The following INF2 variants were observed in gnomAD, a reference collection of about 807,000 sequenced individuals.
INF2 encodes inverted formin-2.
A neutral mutation model predicts 123.5 loss-of-function variants in INF2; 43 were observed. The observed-to-expected ratio is 0.35, with a 90% CI of 0.27 to 0.45. The LOEUF is 0.45. Ranked by LOEUF, INF2 falls within the 20% of genes least tolerant of loss-of-function variation. The probability of loss-of-function intolerance (pLI) is 1.00; values close to 1 mark genes in which losing one functional copy is unlikely to be tolerated. For missense variants in INF2, 1,453 were observed against 1,682.7 expected, an observed-to-expected ratio of 0.86 and a Z score of 2.39; for synonymous variants, 851 against 745.0, an observed-to-expected ratio of 1.14 and a Z score of -2.32.
intron 22 of INF2, chr14:104,717,770 C>T (rs1037590469): frequency 3.3e-5 from 5 of 152,170 alleles, no homozygotes; most frequent in Admixed American, 3.3e-4. Flanking sequence ...TTCTGAACCT[C>T]CACTGCACGA....
At chr14:104,697,887 C>CGGT (rs1889263626) in intron 1 of INF2, among the ~76,000 whole-genome samples, 1 of 151,812 alleles carries the variant, frequency 6.6e-6, no homozygotes, top group African/African-American at 2.4e-5. Context: ...GGTGGACTGC[C>CGGT]GGGGGGGGTG....
Position 104,701,566 on chromosome 14 carries a change from G to A in INF2, c.201G>A (p.Gln67=). 1.2e-6 allele frequency: 2 copies of A among 1,608,536 alleles called. No individual in the cohort carries two copies. The highest frequency in any genetic ancestry group is 8.5e-7 in the Non-Finnish European group (1 of 1,179,114). Residue 67 remains glutamine, a synonymous_variant, in exon 2 of 23, where the codon CAG becomes CAA. Transcript: ENST00000392634. ...GCAGCGACGGCGGCTGGATGGTGCA[G>A]TTCCTGGAGCAGAGCGGCCTGGACC... ...LEGSDGGWMV[Q]FLEQSGLDLL...
chr14:104,708,437 G>A lies in INF2; in HGVS notation c.1737G>A (p.Glu579=), dbSNP rs1211763702. The stretch of plus-strand genomic sequence containing the variant: ...ACTGGCCGTGTCCCCACCCGACAGA[G>A]CACAACTCTATGTGGGCGTCCCTGA... The part of the protein sequence containing the change: ...WQKLPSNVAR[E]HNSMWASLSS... Residue 579 remains glutamate, a splice_region_variant and synonymous_variant, in exon 9 of 23, where the codon GAG becomes GAA. Transcript: ENST00000392634. 1.2e-6 allele frequency: 2 copies of A among 1,611,894 alleles called. No homozygotes were observed. The highest frequency in any genetic ancestry group is 1.7e-5 in the Admixed American group (1 of 60,020).
At chr14:104,717,915 G>C (rs547186044) in intron 22 of INF2, among the ~76,000 whole-genome samples, 1 of 152,112 alleles carries the variant, frequency 6.6e-6, no homozygotes, top group Non-Finnish European at 1.5e-5. Flanking sequence ...AGTTTTGAAC[G>C]TGCAGTAATC....
chr14:104,704,026 A>C (rs1595167177), intron 5 of INF2, 77 bp downstream of exon 5: 1 of 1,598,346 alleles, frequency 6.3e-7, no homozygotes, highest in South Asian at 1.1e-5. Context: ...TTTGGCTCCC[A>C]GCCACCTCAC....
rs77599992 is a variant in INF2 at position 104,692,101 on chromosome 14, C to T, written c.-10+2362C>T. ...CAGTCCCCGAGGGCCAGCCTCAGGC[C>T]GGGTCTGTCCACTCACCATTCACGC... On this transcript the variant is annotated intron_variant, in intron 1 of 22. Coordinates refer to ENST00000392634, the MANE Select transcript of INF2 (RefSeq NM_022489.4). Among the ~76,000 whole-genome samples the T allele has an allele frequency of 9.1e-3, 1,382 of 152,298 alleles. 21 individuals are homozygous for T. Among genetic ancestry groups the T allele is most frequent in the African/African-American group, 0.031 (1,303 of 41,570 alleles).
intron 13 of INF2, chr14:104,710,582 ACCC>A (rs374329442): frequency 5.3e-5 from 26 of 489,198 alleles, no homozygotes; most frequent in East Asian, 1.1e-4. Context: ...ACACGTACAC[ACCC>A]CCCCAACACA....
chr14:104,691,719 G>A (rs954882864), intron 1 of INF2, among the ~76,000 whole-genome samples: 32 of 152,036 alleles, frequency 2.1e-4, no homozygotes, highest in Non-Finnish European at 4.7e-4. Flanking sequence ...GTGGGAAGGA[G>A]AGAGGGCAGG....
rs988599235 is a variant in INF2 at position 104,681,707 on chromosome 14, A to T, written c.-104+125A>T. 23 of 762,060 alleles carry T rather than the reference A, an allele frequency of 3.0e-5. No homozygotes were observed. In the African/African-American group the frequency reaches 4.2e-4, roughly 14 times the overall value. 47.2% of individuals were successfully genotyped at this position (762,060 alleles called of 1,614,324 possible). ...ACAGGCCCCTGAGGTCCCGGAGGGCAGCACGCTGGTGCAGAGCCGGGACAG... is the reference window on the plus strand; with the variant it reads ...ACAGGCCCCTGAGGTCCCGGAGGGCTGCACGCTGGTGCAGAGCCGGGACAG... On this transcript the variant is annotated intron_variant, in intron 1 of 2. Transcript: ENST00000674723.
chr14:104,703,221 G>A lies in INF2; in HGVS notation c.507+1G>A, dbSNP rs780406604. The A allele has an allele frequency of 6.2e-7, 1 of 1,613,242 alleles. No individual in the cohort carries two copies. Among genetic ancestry groups the A allele is most frequent in the Non-Finnish European group, 8.5e-7 (1 of 1,179,876 alleles). On this transcript the variant is annotated splice_donor_variant, in intron 3 of 22. Transcript: ENST00000392634. LOFTEE classifies it high-confidence loss of function. ...CCTGGACGCCCTGGACCACTACAAG[G>A]TGGGCGGCAGGGCCTGGGCCTGGGC...
At chr14:104,713,124 G>T in intron 18 of INF2, 83 bp from the exon 19 acceptor site, 1 of 1,604,204 alleles carries the variant, frequency 6.2e-7, no homozygotes, top group Non-Finnish European at 8.5e-7. Flanking sequence ...GCGCTGCTGC[G>T]GCTCAGGGAG....
intron 1 of INF2, among the ~76,000 whole-genome samples, chr14:104,682,811 G>A (rs562094697): frequency 1.6e-4 from 24 of 152,124 alleles, no homozygotes; most frequent in African/African-American, 4.3e-4. Flanking sequence ...AAATCCTCAC[G>A]TCCCCCCCGG....
Position 104,689,699 on chromosome 14 carries a change from G to A in INF2, c.-50G>A, listed in dbSNP as rs886050379. The A allele has an allele frequency of 1.3e-5, 13 of 984,934 alleles. No individual in the cohort carries two copies. Among genetic ancestry groups the A allele is most frequent in the Non-Finnish European group, 1.4e-5 (12 of 829,790 alleles). 61.0% of individuals were successfully genotyped at this position (984,934 alleles called of 1,614,324 possible). On this transcript the variant is annotated 5_prime_UTR_variant, in exon 1 of 23. Coordinates refer to ENST00000392634, the MANE Select transcript of INF2 (RefSeq NM_022489.4). ...AGCCCCTGACCCGGCCCCGGACGGAGCGCCGGCCGCACCACCGCCCTCTGG... is the reference window on the plus strand; with the variant it reads ...AGCCCCTGACCCGGCCCCGGACGGAACGCCGGCCGCACCACCGCCCTCTGG...
chr14:104,694,179 G>A (rs918387667), intron 1 of INF2, among the ~76,000 whole-genome samples: 5 of 152,352 alleles, frequency 3.3e-5, no homozygotes, highest in African/African-American at 1.2e-4. Flanking sequence ...GGGGCCACAC[G>A]GGCGGTGCTG....
At chr14:104,692,593 G>A (rs1889008817) in intron 1 of INF2, among the ~76,000 whole-genome samples, 1 of 152,216 alleles carries the variant, frequency 6.6e-6, no homozygotes, top group Non-Finnish European at 1.5e-5. Context: ...CTCGGGGGTT[G>A]GTGGGGCAGG....
Position 104,699,580 on chromosome 14 carries a change from G to A in INF2, c.-9-1777G>A. Reference sequence around the variant, plus strand: ...CAGAGTGGGTGGGCAGAGGTGGCCGGAAGGTCTTGCGCATCTGGGTGAGTG... The same window carrying A: ...CAGAGTGGGTGGGCAGAGGTGGCCGAAAGGTCTTGCGCATCTGGGTGAGTG... On this transcript the variant is annotated intron_variant, in intron 1 of 22. Transcript: ENST00000392634. This position sits in a 1 kb window ranked among gnomAD's most constrained non-coding sequence, Gnocchi z 4.7. 4 of 985,234 alleles carry A rather than the reference G, an allele frequency of 4.1e-6. No homozygotes were observed. The highest frequency in any genetic ancestry group is 3.6e-6 in the Non-Finnish European group (3 of 829,870). The allele number at this position is 985,234 out of a possible 1,614,324, so 61.0% of individuals were successfully genotyped here.
chr14:104,706,104 G>A lies in INF2; in HGVS notation c.771G>A (p.Glu257=), dbSNP rs914964640. Residue 257 remains glutamate, a synonymous_variant, in exon 6 of 23, where the codon GAG becomes GAA. Coordinates refer to ENST00000392634, the MANE Select transcript of INF2 (RefSeq NM_022489.4). ...AGGAGGCTAAGGCCGAGGACGAGGA[G>A]GAGCTGCTGCGAGTCTCTGGCGGGG... is the stretch of plus-strand genomic sequence containing the variant. ...AFEEAKAEDE[E]ELLRVSGGVD... is the part of the protein sequence containing the mutation. The A allele has an allele frequency of 5.0e-6, 8 of 1,612,454 alleles. No homozygotes were observed. Among genetic ancestry groups the A allele is most frequent in the East Asian group, 2.2e-5 (1 of 44,876 alleles).
In INF2 at chr14:104,684,370, T is replaced by G; in HGVS notation, c.-104+2788T>G. ...TCTGCCAGCACCCGGCCTCTGCACC[T>G]CAGCTTTCAGCGGATAGGTTTGTGC... is the stretch of plus-strand genomic sequence containing the variant. On this transcript the variant is annotated intron_variant, in intron 1 of 2. Transcript: ENST00000674723. The surrounding 1 kb of genome is among the most constrained non-coding windows in gnomAD (Gnocchi z 5.0). 1 of 305,070 alleles carries G rather than the reference T, an allele frequency of 3.3e-6. No homozygotes were observed. The highest frequency in any genetic ancestry group is 6.5e-6 in the Non-Finnish European group (1 of 154,318). 18.9% of individuals were successfully genotyped at this position (305,070 alleles called of 1,614,324 possible). A position where few individuals can be genotyped will look rare whatever the true frequency, so the allele number is the denominator to read the frequency against.
rs545748916 is a variant in INF2, at chr14:104,684,200, C to G, written c.-104+2618C>G. On this transcript the variant is annotated intron_variant, in intron 1 of 2. Transcript: ENST00000674723. The surrounding 1 kb of genome is among the most constrained non-coding windows in gnomAD (Gnocchi z 5.0). ...AGCACGCATCCCATCTGGACTCCCA[C>G]CAGACAACTGAGGCAACCGAGAAGG... 2.0e-5 allele frequency: 9 copies of G among 451,020 alleles called. No individual in the cohort carries two copies. The highest frequency in any genetic ancestry group is 4.0e-5 in the Non-Finnish European group (9 of 223,302). 27.9% of individuals were successfully genotyped at this position (451,020 alleles called of 1,614,324 possible).
Sources: gnomAD v4.1 joint callset for allele counts (sites outside exome capture counted in the v4.1 genomes callset) on GRCh38, gnomAD v4.1.1 for gene constraint, Gnocchi (gnomAD v3.1) non-coding constraint, MANE v1.5 for transcripts, NCBI Gene and HGNC (gene_info 2026-07-23, HGNC 2026-07-21) for gene names.